The following GULP1 variants were observed in gnomAD, a reference collection of about 807,000 sequenced individuals.
GULP1 encodes the protein PTB domain-containing engulfment adapter protein 1.
Under a neutral mutation model 40.9 loss-of-function variants are expected in GULP1, and 19 were observed. That is an observed-to-expected ratio of 0.46 (90% confidence interval 0.32 to 0.68). The LOEUF is 0.68. Ranked by LOEUF, GULP1 falls within the 30% of genes least tolerant of loss-of-function variation. GULP1 has a pLI of 0.03. For synonymous variants in GULP1, 119 were observed against 117.6 expected (o/e 1.01, Z -0.08); for missense variants, 312 against 362.2 (o/e 0.86, Z 1.12).
chr2:188,587,474 T>A (rs2153470066), intron 10 of GULP1, among the ~76,000 whole-genome samples: 1 of 152,210 alleles, frequency 6.6e-6, no homozygotes, highest in South Asian at 2.1e-4. Flanking sequence ...AAGGCATCAA[T>A]CAATGGAATT....
chr2:188,307,358 A>C (rs79579295), intron 1 of GULP1, among the ~76,000 whole-genome samples: 192 of 152,298 alleles, frequency 1.3e-3, no homozygotes, highest in African/African-American at 4.5e-3. Flanking sequence ...TGCATTAAAA[A>C]GTTATATGTT....
intron 2 of GULP1, among the ~76,000 whole-genome samples, chr2:188,449,676 G>T (rs2058680618): frequency 6.6e-6 from 1 of 152,134 alleles, no homozygotes; most frequent in Non-Finnish European, 1.5e-5. Flanking sequence ...ATACATTTCT[G>T]CTAATGGGAA....
chr2:188,513,545 T>G, intron 4 of GULP1, among the ~76,000 whole-genome samples: 1 of 152,194 alleles, frequency 6.6e-6, no homozygotes, highest in East Asian at 1.9e-4. Context: ...TGCAATATTT[T>G]TAAGAAAGCC....
At position 188,558,454 on chromosome 2, in the gene GULP1, A is replaced by T. The variant is rs192358440; in HGVS notation, c.400-10785A>T. Among the ~76,000 whole-genome samples the T allele has an allele frequency of 3.4e-4, 51 of 152,072 alleles. No homozygotes were observed. In the East Asian group the frequency reaches 4.5e-3, roughly 13 times the overall value. On this transcript the variant is annotated intron_variant, in intron 7 of 11. Transcript: ENST00000409830. ...CATGGGGAACTGTAAGTCCAATTAA[A>T]CCTCTTTTTCTTCCCAGTCTCAGGT...
chr2:188,383,674 T>C (rs1356788242), intron 1 of GULP1, 89 bp from the exon 2 acceptor site: 1 of 152,232 alleles, frequency 6.6e-6, no homozygotes, highest in East Asian at 1.9e-4. Context: ...ATAATTGGAA[T>C]TTTAAAAGAT....
intron 1 of GULP1, among the ~76,000 whole-genome samples, chr2:188,339,053 G>T (rs1173888344): frequency 6.6e-6 from 1 of 152,144 alleles, no homozygotes; most frequent in Non-Finnish European, 1.5e-5. Flanking sequence ...GGTAAAAATG[G>T]TGATTGACTC....
chr2:188,490,254 A>G (rs1247077321), intron 4 of GULP1, among the ~76,000 whole-genome samples: 2 of 152,148 alleles, frequency 1.3e-5, no homozygotes, highest in Non-Finnish European at 2.9e-5. Context: ...AAGCTTACAC[A>G]GGAAGATAGT....
intron 2 of GULP1, among the ~76,000 whole-genome samples, chr2:188,450,353 T>C (rs1368184166): frequency 2.0e-5 from 3 of 152,172 alleles, no homozygotes; most frequent in Non-Finnish European, 4.4e-5. Flanking sequence ...TAAGTGTGTA[T>C]AATACAGTTA....
chr2:188,346,347 A>G (rs2043641521), intron 1 of GULP1, among the ~76,000 whole-genome samples: 1 of 152,190 alleles, frequency 6.6e-6, no homozygotes, highest in Non-Finnish European at 1.5e-5. Flanking sequence ...AATGCCTCCA[A>G]ATGCTTATTA....
In GULP1 at chr2:188,311,999, A is replaced by C. The variant is rs191201730; in HGVS notation, c.-172+19833A>C. ...ATTCTGACGGAAAAATAAAGAATTT[A>C]GAGAAATACAGCATTAATATAGACT... is the stretch of plus-strand genomic sequence containing the variant. On this transcript the variant is annotated intron_variant, in intron 1 of 11. Coordinates refer to ENST00000409830, the MANE Select transcript of GULP1 (RefSeq NM_016315.4). Among the ~76,000 whole-genome samples, 233 of 151,786 alleles carry C rather than the reference A, an allele frequency of 1.5e-3. 1 individual carries two copies. Among genetic ancestry groups the C allele is most frequent in the African/African-American group, 4.0e-3 (167 of 41,492 alleles).
intron 2 of GULP1, among the ~76,000 whole-genome samples, chr2:188,393,801 CA>C (rs1433911303): frequency 1.3e-5 from 2 of 152,078 alleles, no homozygotes; most frequent in African/African-American, 4.8e-5. Flanking sequence ...TTACTGGATA[CA>C]AAATTATTGG....
intron 4 of GULP1, among the ~76,000 whole-genome samples, chr2:188,504,798 T>G (rs1178130769): frequency 1.3e-5 from 2 of 151,888 alleles, no homozygotes; most frequent in Non-Finnish European, 2.9e-5. Context: ...CAGTGAATCA[T>G]AAGTTAACTG....
intron 6 of GULP1, among the ~76,000 whole-genome samples, chr2:188,539,204 A>C (rs1009746967): frequency 5.3e-5 from 8 of 152,048 alleles, no homozygotes; most frequent in Non-Finnish European, 8.8e-5. Context: ...TGTGTTTTGC[A>C]TGTTACTCAT....
intron 11 of GULP1, chr2:188,590,106 G>A (rs2153474641): frequency 6.3e-6 from 1 of 159,162 alleles, no homozygotes; most frequent in Middle Eastern, 2.9e-3. Flanking sequence ...CTGAGTAGCT[G>A]AGACTACAAG....
chr2:188,301,350 T>C (rs531027762), intron 1 of GULP1, among the ~76,000 whole-genome samples: 50 of 152,296 alleles, frequency 3.3e-4, no homozygotes, highest in African/African-American at 1.1e-3. Flanking sequence ...GACAATGACA[T>C]TGGGTTAAAC....
At chr2:188,305,967 G>A (rs10179899) in intron 1 of GULP1, among the ~76,000 whole-genome samples, 23,057 of 151,740 alleles carry the variant, frequency 0.15, 1,890 homozygotes, top group African/African-American at 0.17. Flanking sequence ...TAGTAGAGAC[G>A]GGGTTTCACC....
chr2:188,355,954 C>G (rs191273913), intron 1 of GULP1, among the ~76,000 whole-genome samples: 1 of 152,100 alleles, frequency 6.6e-6, no homozygotes, highest in East Asian at 1.9e-4. Context: ...TCAATGGACA[C>G]AGAAAAAGCA....
chr2:188,362,142 T>C (rs1158483947), intron 1 of GULP1, among the ~76,000 whole-genome samples: 1 of 152,040 alleles, frequency 6.6e-6, no homozygotes, highest in Non-Finnish European at 1.5e-5. Flanking sequence ...TTGTTAATGG[T>C]GAAACTGTGT....
intron 7 of GULP1, among the ~76,000 whole-genome samples, chr2:188,553,905 C>G (rs1205573460): frequency 6.6e-6 from 1 of 151,946 alleles, no homozygotes; most frequent in East Asian, 1.9e-4. Context: ...GAAACTTACC[C>G]ATTTACTCTA....
Sources: allele counts gnomAD v4.1 joint callset (sites outside exome capture counted in the v4.1 genomes callset), GRCh38; gene constraint gnomAD v4.1.1; transcripts MANE v1.5; gene names NCBI Gene and HGNC (gene_info 2026-07-23, HGNC 2026-07-21).